FARP1: variants seen among roughly 807,000 people sequenced by gnomAD.
FARP1 encodes the protein FERM, ARH/RhoGEF and pleckstrin domain protein 1, also known as FERM, ARHGEF and pleckstrin domain-containing protein 1.
A neutral mutation model predicts 128.8 loss-of-function variants in FARP1; 52 were observed. The ratio of observed to expected loss-of-function variants is 0.40; its 90% CI spans 0.32 to 0.51. FARP1 has a LOEUF of 0.51. Ranked by LOEUF, FARP1 falls within the 20% of genes least tolerant of loss-of-function variation. The pLI, the probability that FARP1 is intolerant of heterozygous loss-of-function variation, is 0.45. For synonymous variants in FARP1, 580 were observed against 551.8 expected (o/e 1.05, Z -0.72); for missense variants, 1,333 against 1,367.9 (o/e 0.97, Z 0.40).
Position 98,390,260 on chromosome 13 carries a change from A to G in FARP1, c.1019+140A>G, listed in dbSNP as rs960828802. On this transcript the variant is annotated intron_variant, in intron 10 of 26. Transcript: ENST00000319562. ...GCTATGGCCAAGCGGGGGCGCTTGT[A>G]TCTTAATCCCAGTGGGCTCTGTTTG... The G allele has an allele frequency of 1.1e-5, 10 of 894,378 alleles. No individual in the cohort carries two copies. The African/African-American group carries it at 1.2e-4, about 11-fold the overall frequency. The allele number at this position is 894,378 out of a possible 1,614,324, so 55.4% of individuals were successfully genotyped here.
At chr13:98,304,698 A>G (rs1272494953) in intron 2 of FARP1, among the ~76,000 whole-genome samples, 1 of 152,230 alleles carries the variant, frequency 6.6e-6, no homozygotes, top group Non-Finnish European at 1.5e-5. Context: ...GAGAAATTGT[A>G]TGCGATGCTG....
At chr13:98,346,556 C>A (rs1888187639) in intron 3 of FARP1, among the ~76,000 whole-genome samples, 1 of 151,648 alleles carries the variant, frequency 6.6e-6, no homozygotes, top group African/African-American at 2.4e-5. Flanking sequence ...ACCAGCCTGG[C>A]CAACATAGTG....
rs1380061701 is a variant in FARP1, at chr13:98,395,247, T to C, written c.1185T>C (p.Leu395=). 6 of 1,601,894 alleles carry C rather than the reference T, an allele frequency of 3.7e-6. No individual in the cohort carries two copies. The highest frequency in any genetic ancestry group is 1.7e-5 in the Admixed American group (1 of 59,726). ...VLEQSQQSTS[L]TFGEGAESPG... ...CCCAGTCTCAGCAGAGCACCAGCCTTACATTTGGAGAAGGTGCCGAATCTC... is the reference window on the plus strand; with the variant it reads ...CCCAGTCTCAGCAGAGCACCAGCCTCACATTTGGAGAAGGTGCCGAATCTC... Residue 395 remains leucine (L), a synonymous_variant, in exon 13 of 27, where the codon CTT becomes CTC. Transcript: ENST00000319562.
At position 98,437,739 on chromosome 13, in the gene FARP1, C is replaced by A. The variant is rs1892335943; in HGVS notation, c.2275-1065C>A. ...GACCTGTATAGCTTCTCCGCTTTGT[C>A]TTTTTGCTTTCTCTCGGTCCCACCA... On this transcript the variant is annotated intron_variant, in intron 19 of 26. Coordinates refer to ENST00000319562, the MANE Select transcript of FARP1 (RefSeq NM_005766.4). 12 of 1,158,770 alleles carry A rather than the reference C, an allele frequency of 1.0e-5. No individual in the cohort carries two copies. In the East Asian group the frequency reaches 2.6e-4, roughly 25 times the overall value. 71.8% of individuals were successfully genotyped at this position (1,158,770 alleles called of 1,614,324 possible).
chr13:98,361,076 A>T (rs1402560184), intron 3 of FARP1, among the ~76,000 whole-genome samples: 1 of 152,204 alleles, frequency 6.6e-6, no homozygotes, highest in Non-Finnish European at 1.5e-5. Flanking sequence ...AGCAAAGGCC[A>T]GTGCTTTCAC....
At chr13:98,265,394 A>G (rs1350847588) in intron 2 of FARP1, among the ~76,000 whole-genome samples, 1 of 129,972 alleles carries the variant, frequency 7.7e-6, no homozygotes, top group East Asian at 2.3e-4. Context: ...ATCTCGGCTC[A>G]CTGCAAGCTC....
intron 2 of FARP1, among the ~76,000 whole-genome samples, chr13:98,322,078 A>T (rs1476291064): frequency 2.6e-5 from 4 of 152,204 alleles, no homozygotes; most frequent in African/African-American, 9.6e-5. Flanking sequence ...CTGGCGGATC[A>T]CCTGAGGTCA....
rs987108213 is a variant in FARP1 at position 98,448,016 on chromosome 13, G to A, written c.3057-220G>A. The A allele has an allele frequency of 1.5e-5, 9 of 581,262 alleles. 1 individual carries two copies. The highest frequency in any genetic ancestry group is 1.2e-4 in the Admixed American group (4 of 32,702). The allele number at this position is 581,262 out of a possible 1,614,324, so 36.0% of individuals were successfully genotyped here. Reference sequence around the variant, plus strand: ...GGAGCGGGCAGTGTCACTGCAGCAAGGTACTTCCAGCTCCACACTGAGTGA... The same window carrying A: ...GGAGCGGGCAGTGTCACTGCAGCAAAGTACTTCCAGCTCCACACTGAGTGA... On this transcript the variant is annotated intron_variant, in intron 26 of 26. Coordinates refer to ENST00000319562, the MANE Select transcript of FARP1 (RefSeq NM_005766.4).
chr13:98,215,377 G>A (rs937973207), intron 2 of FARP1, among the ~76,000 whole-genome samples: 1 of 152,090 alleles, frequency 6.6e-6, no homozygotes, highest in Non-Finnish European at 1.5e-5. Context: ...CTTCCTTCCT[G>A]CAGACCACTT....
chr13:98,429,358 A>G (rs927464958), intron 17 of FARP1, among the ~76,000 whole-genome samples: 3 of 152,188 alleles, frequency 2.0e-5, no homozygotes, highest in Admixed American at 6.5e-5. Context: ...GCAAGCGTCA[A>G]TGCCAGAGAG....
At chr13:98,199,193 A>G (rs1185317743) in intron 1 of FARP1, among the ~76,000 whole-genome samples, 1 of 151,918 alleles carries the variant, frequency 6.6e-6, no homozygotes, top group Non-Finnish European at 1.5e-5. Flanking sequence ...ACACCATGCC[A>G]TCTGCCATCA....
At chr13:98,437,701 G>A (rs920382656) in intron 19 of FARP1, 96 of 812,286 alleles carry the variant, frequency 1.2e-4, no homozygotes, top group Non-Finnish European at 1.8e-4. Flanking sequence ...GTCCTGGACC[G>A]TGAAGAAAGG....
chr13:98,404,972 A>C (rs1476910267), intron 13 of FARP1: 1 of 152,226 alleles, frequency 6.6e-6, no homozygotes, highest in African/African-American at 2.4e-5. Flanking sequence ...ACTGAGACCC[A>C]TTTAAAAAAC....
Position 98,232,576 on chromosome 13 carries a change from G to A in FARP1, c.171+19163G>A, listed in dbSNP as rs550105537. On this transcript the variant is annotated intron_variant, in intron 2 of 26. Transcript: ENST00000319562. ...GTGCTTATTTCATGTCTCTGTGTTA[G>A]CATTTTTTAGCAATAAAGTATTTTT... is the stretch of plus-strand genomic sequence containing the variant. Among the ~76,000 whole-genome samples, 6 of 152,266 alleles carry A rather than the reference G, an allele frequency of 3.9e-5. No individual in the cohort carries two copies. In the East Asian group the frequency reaches 1.2e-3, roughly 29 times the overall value.
In FARP1 at chr13:98,222,830, G is replaced by T. The variant is rs575911173; in HGVS notation, c.171+9417G>T. ...TTTTTTTTTTTTAAGTAGACATGGG[G>T]TTTCACCATGTTGGCCAGGATGGTC... On this transcript the variant is annotated intron_variant, in intron 2 of 26. Coordinates refer to ENST00000319562, the MANE Select transcript of FARP1 (RefSeq NM_005766.4). 2.7e-5 allele frequency among the ~76,000 whole-genome samples: 4 copies of T among 147,656 alleles called. No individual in the cohort carries two copies. The South Asian group carries it at 8.7e-4, about 32-fold the overall frequency.
At chr13:98,186,991 CAAAAAAAAAAAAAAAA>C (rs33992037) in intron 1 of FARP1, among the ~76,000 whole-genome samples, 1 of 47,834 alleles carries the variant, frequency 2.1e-5, no homozygotes, top group Non-Finnish European at 3.8e-5. Context: ...GATTCTGTCT[CAAAAAAAAAAAAAAAA>C]AAAAAAAAAA....
At chr13:98,283,104 C>T (rs757976104) in intron 2 of FARP1, among the ~76,000 whole-genome samples, 1 of 152,078 alleles carries the variant, frequency 6.6e-6, no homozygotes, top group Non-Finnish European at 1.5e-5. Flanking sequence ...TGCACTTGAG[C>T]GAATTTGTCT....
intron 1 of FARP1, among the ~76,000 whole-genome samples, chr13:98,181,695 C>T (rs1358771191): frequency 6.6e-6 from 1 of 150,842 alleles, no homozygotes; most frequent in Non-Finnish European, 1.5e-5. Flanking sequence ...GTGGCGCAAT[C>T]ACAGTTCAGT....
intron 15 of FARP1, 61 bp from the exon 16 acceptor site, chr13:98,411,840 A>C: frequency 6.3e-7 from 1 of 1,578,512 alleles, no homozygotes; most frequent in Non-Finnish European, 8.6e-7. Context: ...CTTCTGGAGA[A>C]AACTGCAGAC....
Sources: allele counts gnomAD v4.1 joint callset (sites outside exome capture counted in the v4.1 genomes callset), GRCh38; gene constraint gnomAD v4.1.1; transcripts MANE v1.5; gene names NCBI Gene and HGNC (gene_info 2026-07-23, HGNC 2026-07-21).